DMD: variants seen among roughly 807,000 people sequenced by gnomAD.
DMD encodes the protein dystrophin, also known as mutant dystrophin.
In DMD, 63 loss-of-function variants were observed where a neutral mutation model predicts 330.1. The observed-to-expected ratio is 0.19, with a 90% CI of 0.16 to 0.24. The LOEUF (loss-of-function observed/expected upper bound fraction) is 0.24. DMD is among the 10% of genes least tolerant of loss of function. The pLI is 1.00. For missense variants in DMD, 3,344 were observed against 2,684.1 expected, an observed-to-expected ratio of 1.25 and a Z score of -5.43; for synonymous variants, 1,223 against 959.8, an observed-to-expected ratio of 1.27 and a Z score of -5.07.
In DMD at chrX:32,312,101, T is replaced by C. The variant is rs752500570; in HGVS notation, c.5923-1825A>G. 2.3e-4 allele frequency among the ~76,000 whole-genome samples: 26 copies of C among 111,526 alleles called. No individual in the cohort carries two copies. The South Asian group carries it at 9.6e-3, about 41-fold the overall frequency. Reference sequence around the variant, plus strand: ...CCTGTAAGTTTTTGGAAAACAAAGGTTTTTGTTATCAGGAACAGAGTAAGT... The same window carrying C: ...CCTGTAAGTTTTTGGAAAACAAAGGCTTTTGTTATCAGGAACAGAGTAAGT... On this transcript the variant is annotated intron_variant, in intron 41 of 78. Coordinates refer to ENST00000357033, the MANE Select transcript of DMD (RefSeq NM_004006.3).
At chrX:31,454,951 CTTTTTT>C (rs61091457) in intron 59 of DMD, among the ~76,000 whole-genome samples, 3 of 80,195 alleles carry the variant, frequency 3.7e-5, no homozygotes, top group African/African-American at 1.0e-4. Flanking sequence ...TTTTCTTTTT[CTTTTTT>C]TTTTTTTTTT....
intron 61 of DMD, among the ~76,000 whole-genome samples, chrX:31,344,678 G>A (rs910247998): frequency 1.1e-4 from 12 of 110,082 alleles, no homozygotes; most frequent in African/African-American, 1.3e-4. Context: ...GTGAAACCCC[G>A]TCTCTACTAA....
intron 41 of DMD, among the ~76,000 whole-genome samples, chrX:32,316,423 A>T (rs1369894181): frequency 9.0e-6 from 1 of 111,286 alleles, no homozygotes; most frequent in Non-Finnish European, 1.9e-5. Context: ...TACGTTATAA[A>T]GTCTAAAAGG....
intron 48 of DMD, among the ~76,000 whole-genome samples, chrX:31,868,824 T>TAA (rs35123898): frequency 6.4e-5 from 7 of 110,093 alleles, no homozygotes; most frequent in African/African-American, 2.3e-4. Context: ...TGGAGACTTT[T>TAA]AAAAAATCAA....
intron 7 of DMD, among the ~76,000 whole-genome samples, chrX:32,776,034 T>A (rs886618819): frequency 5.4e-5 from 6 of 111,830 alleles, no homozygotes; most frequent in Non-Finnish European, 1.1e-4. Context: ...TTCTGCCAGA[T>A]ACCCTAAATC....
chrX:32,396,523 G>A (rs1017221805), intron 30 of DMD, among the ~76,000 whole-genome samples: 1 of 111,057 alleles, frequency 9.0e-6, no homozygotes, highest in African/African-American at 3.3e-5. Context: ...ATGAACATGT[G>A]TCTATACCAC....
intron 60 of DMD, among the ~76,000 whole-genome samples, chrX:31,441,488 T>A (rs1422429747): frequency 8.9e-6 from 1 of 112,696 alleles, no homozygotes; most frequent in East Asian, 2.8e-4. Flanking sequence ...TGAGCCACCA[T>A]GCCCAGAGAG....
intron 9 of DMD, among the ~76,000 whole-genome samples, chrX:32,661,001 T>C (rs1017658472): frequency 1.8e-5 from 2 of 111,274 alleles, no homozygotes; most frequent in African/African-American, 6.5e-5. Flanking sequence ...GGCCTGACAT[T>C]ATGCATCCTA....
At chrX:31,198,098 T>C (rs1296813584) in intron 67 of DMD, among the ~76,000 whole-genome samples, 1 of 107,974 alleles carries the variant, frequency 9.3e-6, no homozygotes, top group Non-Finnish European at 1.9e-5. Flanking sequence ...CTGGGAAATG[T>C]AGTGAAGATC....
intron 45 of DMD, among the ~76,000 whole-genome samples, chrX:31,946,602 C>T (rs1027785581): frequency 5.4e-5 from 6 of 111,500 alleles, no homozygotes; most frequent in Non-Finnish European, 1.1e-4. Context: ...GCTAAGCATC[C>T]GTTTTAAAAT....
chrX:32,857,900 G>T (rs1284485614), intron 2 of DMD, among the ~76,000 whole-genome samples: 1 of 111,256 alleles, frequency 9.0e-6, no homozygotes, highest in East Asian at 2.8e-4. Context: ...TCTTTTATAA[G>T]TCTTCTTTTA....
At chrX:32,280,008 T>TATATATATGTACCCCAC (rs2097410069) in intron 43 of DMD, among the ~76,000 whole-genome samples, 5 of 102,371 alleles carry the variant, frequency 4.9e-5, no homozygotes, top group South Asian at 4.3e-4. Flanking sequence ...GTACCCCACA[T>TATATATATGTACCCCAC]ATATATATGT....
At chrX:32,722,134 G>A (rs1344765808) in intron 7 of DMD, among the ~76,000 whole-genome samples, 1 of 108,242 alleles carries the variant, frequency 9.2e-6, no homozygotes, top group East Asian at 2.9e-4. Flanking sequence ...TGGCTATTTG[G>A]GATTTCATGT....
At chrX:31,219,373 G>A (rs1042395421) in intron 64 of DMD, among the ~76,000 whole-genome samples, 3 of 111,220 alleles carry the variant, frequency 2.7e-5, no homozygotes, top group Admixed American at 9.6e-5. Context: ...ACACTCAGCC[G>A]CCTCTGGGTT....
At chrX:32,467,490 A>T (rs898392793) in intron 23 of DMD, among the ~76,000 whole-genome samples, 1 of 110,707 alleles carries the variant, frequency 9.0e-6, no homozygotes, top group African/African-American at 3.3e-5. Context: ...GCATATAATT[A>T]CAAATTCGAT....
chrX:32,444,347 A>C (rs2098294809), intron 27 of DMD, among the ~76,000 whole-genome samples: 1 of 109,031 alleles, frequency 9.2e-6, no homozygotes, highest in South Asian at 3.8e-4. Context: ...CAATACAAAA[A>C]CTCAATAGCC....
intron 17 of DMD, among the ~76,000 whole-genome samples, chrX:32,526,408 G>A (rs979445400): frequency 9.0e-6 from 1 of 110,668 alleles, no homozygotes. Context: ...ATCATACAGG[G>A]CAAGTAAGTC....
At chrX:32,572,028 A>C (rs2052479156) in intron 15 of DMD, among the ~76,000 whole-genome samples, 1 of 111,835 alleles carries the variant, frequency 8.9e-6, no homozygotes, top group African/African-American at 3.2e-5. Flanking sequence ...CAAAACTACA[A>C]ATACAGCTGA....
intron 62 of DMD, among the ~76,000 whole-genome samples, 171 bp downstream of exon 62, chrX:31,323,427 A>G (rs1320385736): frequency 8.9e-6 from 1 of 112,196 alleles, no homozygotes; most frequent in Non-Finnish European, 1.9e-5. Context: ...TGCATCAGCA[A>G]ATTTACAATG....
Sources: allele counts gnomAD v4.1 joint callset (sites outside exome capture counted in the v4.1 genomes callset), GRCh38; gene constraint gnomAD v4.1.1; transcripts MANE v1.5; gene names NCBI Gene and HGNC (gene_info 2026-07-23, HGNC 2026-07-21).